The following GNG2 variants were observed in gnomAD, a reference collection of about 807,000 sequenced individuals.
The protein encoded by GNG2 is G protein subunit gamma 2.
Under a neutral mutation model 5.5 loss-of-function variants are expected in GNG2, and 5 were observed. That is an observed-to-expected ratio of 0.91 (90% confidence interval 0.48 to 1.92). The LOEUF (loss-of-function observed/expected upper bound fraction) is 1.92, where lower values mean the gene tolerates loss of function less well. GNG2 is among the 30% of genes most tolerant of loss of function. The probability of loss-of-function intolerance (pLI) is 0.01; values close to 1 mark genes in which losing one functional copy is unlikely to be tolerated. For synonymous variants in GNG2, 28 were observed against 32.0 expected (o/e 0.88, Z 0.42); for missense variants, 55 against 88.4 (o/e 0.62, Z 1.52).
At chr14:51,867,321 G>T (rs1882963616) in intron 1 of GNG2, among the ~76,000 whole-genome samples, 1 of 152,174 alleles carries the variant, frequency 6.6e-6, no homozygotes, top group Non-Finnish European at 1.5e-5. Context: ...TGTACAGCAA[G>T]CTGCCTGCAA....
intron 2 of GNG2, among the ~76,000 whole-genome samples, chr14:51,898,670 T>C (rs1885358639): frequency 6.6e-6 from 1 of 152,236 alleles, no homozygotes; most frequent in South Asian, 2.1e-4. Context: ...AACGCAAATG[T>C]GCAACTCATT....
chr14:51,859,946 A>G (rs1243693607), upstream of GNG2, among the ~76,000 whole-genome samples: 2 of 152,182 alleles, frequency 1.3e-5, no homozygotes, highest in Non-Finnish European at 2.9e-5. Flanking sequence ...AGCATTGCCA[A>G]CTTGGTTTAG....
chr14:51,876,697 T>C (rs1017393115), intron 1 of GNG2, among the ~76,000 whole-genome samples: 18 of 151,974 alleles, frequency 1.2e-4, no homozygotes, highest in African/African-American at 4.4e-4. Context: ...GCCCCTATGG[T>C]AGTCTGGGAA....
chr14:51,827,718 C>T (rs1881066053), exon 2 of GNG2: 1 of 702,004 alleles, frequency 1.4e-6, no homozygotes. Flanking sequence ...ATTCCTGAGC[C>T]CAACCTGTGC....
chr14:51,930,724 T>C (rs1247305128), intron 2 of GNG2, among the ~76,000 whole-genome samples: 5 of 152,226 alleles, frequency 3.3e-5, no homozygotes, highest in Admixed American at 2.0e-4. Context: ...AATTGGCTTA[T>C]GGTTCTGCAG....
At chr14:51,828,826 G>A (rs8011316) in intron 2 of GNG2, among the ~76,000 whole-genome samples, 58,040 of 151,812 alleles carry the variant, frequency 0.38, 11,550 homozygotes, top group Non-Finnish European at 0.43. Flanking sequence ...TCACCCTTCA[G>A]GAACACCCCA....
intron 3 of GNG2, among the ~76,000 whole-genome samples, chr14:51,962,163 A>T (rs1026257003): frequency 6.6e-6 from 1 of 151,778 alleles, no homozygotes; most frequent in Non-Finnish European, 1.5e-5. Flanking sequence ...AATTATATTG[A>T]CATGAGGGTC....
At chr14:51,839,785 A>T (rs1387593065) in intron 2 of GNG2, among the ~76,000 whole-genome samples, 2 of 152,338 alleles carry the variant, frequency 1.3e-5, no homozygotes, top group South Asian at 2.1e-4. Context: ...TAATTTTTTT[A>T]AATGGAAAAA....
At chr14:51,863,425 A>C (rs1246698478) in intron 1 of GNG2, among the ~76,000 whole-genome samples, 1 of 152,188 alleles carries the variant, frequency 6.6e-6, no homozygotes, top group Non-Finnish European at 1.5e-5. Flanking sequence ...AGGTACTGAA[A>C]TGTTATTTTT....
intron 3 of GNG2, among the ~76,000 whole-genome samples, chr14:51,953,175 T>G (rs953477109): frequency 3.9e-5 from 6 of 152,224 alleles, no homozygotes. Context: ...TTAAAAAGTT[T>G]TCCTAGACCC....
chr14:51,905,788 G>A (rs1885876506), intron 2 of GNG2, among the ~76,000 whole-genome samples: 1 of 152,208 alleles, frequency 6.6e-6, no homozygotes, highest in South Asian at 2.1e-4. Context: ...CTGTTGTTAT[G>A]ATAGCTAGTG....
chr14:51,946,315 G>A (rs1326012380), intron 2 of GNG2, among the ~76,000 whole-genome samples: 1 of 152,140 alleles, frequency 6.6e-6, no homozygotes, highest in African/African-American at 2.4e-5. Flanking sequence ...CAAATCAAAA[G>A]CAACTAACAA....
chr14:51,837,576 C>G (rs370756272), intron 2 of GNG2, among the ~76,000 whole-genome samples: 2 of 150,484 alleles, frequency 1.3e-5, no homozygotes, highest in African/African-American at 2.4e-5. Context: ...GAACCCAGGA[C>G]GCAGAGGCCG....
At chr14:51,915,899 G>C (rs2140212710) in intron 2 of GNG2, among the ~76,000 whole-genome samples, 2 of 152,318 alleles carry the variant, frequency 1.3e-5, no homozygotes, top group South Asian at 4.1e-4. Flanking sequence ...GTTCTCCTGA[G>C]ACTGTGGTGG....
chr14:51,911,433 T>C (rs895648824), intron 2 of GNG2, among the ~76,000 whole-genome samples: 1 of 152,258 alleles, frequency 6.6e-6, no homozygotes, highest in Non-Finnish European at 1.5e-5. Flanking sequence ...TGGAGACCCA[T>C]TGCCTGAGTT....
At chr14:51,907,959 C>T (rs1416188933) in intron 2 of GNG2, among the ~76,000 whole-genome samples, 1 of 152,226 alleles carries the variant, frequency 6.6e-6, no homozygotes, top group Admixed American at 6.5e-5. Flanking sequence ...TGACTGGATC[C>T]TGTATTAGTT....
intron 3 of GNG2, chr14:51,951,769 C>T: frequency 1.6e-6 from 1 of 620,892 alleles, no homozygotes; most frequent in Non-Finnish European, 2.8e-6. Context: ...TTTATTAGAA[C>T]ACACTCATTT....
chr14:51,892,983 TG>T (rs754352285), intron 2 of GNG2, among the ~76,000 whole-genome samples: 7 of 152,218 alleles, frequency 4.6e-5, no homozygotes, highest in Non-Finnish European at 8.8e-5. Context: ...CTTGTAGTTG[TG>T]GATCTAACAG....
chr14:51,871,226 C>T (rs560508728), intron 1 of GNG2, among the ~76,000 whole-genome samples: 1 of 151,186 alleles, frequency 6.6e-6, no homozygotes, highest in Non-Finnish European at 1.5e-5. Context: ...TAAGGCATTT[C>T]ATTGACATTT....
Sources: gnomAD v4.1 joint callset for allele counts (sites outside exome capture counted in the v4.1 genomes callset) on GRCh38, gnomAD v4.1.1 for gene constraint, MANE v1.5 for transcripts, NCBI Gene and HGNC (gene_info 2026-07-23, HGNC 2026-07-21) for gene names.